Variants in ABCB1 observed in about 807,000 individuals in gnomAD.
ABCB1 encodes the protein ATP-dependent translocase ABCB1.
A neutral mutation model predicts 142.0 loss-of-function variants in ABCB1; 69 were observed. The observed-to-expected ratio is 0.49, with a 90% CI of 0.40 to 0.59. The LOEUF (loss-of-function observed/expected upper bound fraction) is 0.59. Ranked by LOEUF, ABCB1 falls within the 20% of genes least tolerant of loss-of-function variation. The probability of loss-of-function intolerance (pLI) is 0.00; values close to 1 mark genes in which losing one functional copy is unlikely to be tolerated. For synonymous variants in ABCB1, 532 were observed against 539.2 expected (o/e 0.99, Z 0.18); for missense variants, 1,326 against 1,554.7 (o/e 0.85, Z 2.47).
chr7:87,587,257 A>G (rs1818797659), intron 3 of ABCB1, among the ~76,000 whole-genome samples: 1 of 152,232 alleles, frequency 6.6e-6, no homozygotes, highest in Non-Finnish European at 1.5e-5. Context: ...GATAGTTGAT[A>G]TGAAAAAATT....
At chr7:87,505,307 C>T (rs1814685270) in intron 27 of ABCB1, among the ~76,000 whole-genome samples, 2 of 152,166 alleles carry the variant, frequency 1.3e-5, no homozygotes, top group Non-Finnish European at 2.9e-5. Flanking sequence ...GCAGTAAATA[C>T]AGTTCACTGA....
chr7:87,561,415 G>GA (rs753909193), intron 7 of ABCB1, 28 bp from the exon 8 acceptor site: 4 of 1,585,258 alleles, frequency 2.5e-6, no homozygotes, highest in African/African-American at 1.4e-5. Context: ...TTTGGATCAT[G>GA]AAAAAAACAC....
intron 8 of ABCB1, among the ~76,000 whole-genome samples, chr7:87,558,921 C>T (rs758409089): frequency 1.3e-5 from 2 of 151,994 alleles, no homozygotes; most frequent in Non-Finnish European, 2.9e-5. Flanking sequence ...ATAAAGCCAA[C>T]ATGTTCAGGA....
At chr7:87,665,821 T>C (rs1227395849) in intron 1 of ABCB1, among the ~76,000 whole-genome samples, 1 of 152,140 alleles carries the variant, frequency 6.6e-6, no homozygotes, top group Non-Finnish European at 1.5e-5. Flanking sequence ...ATTATTTCAC[T>C]TAGGAATGAT....
intron 1 of ABCB1, among the ~76,000 whole-genome samples, chr7:87,701,390 C>A (rs1266592648): frequency 2.6e-5 from 4 of 152,164 alleles, no homozygotes; most frequent in Non-Finnish European, 5.9e-5. Flanking sequence ...CCATCTTAAG[C>A]TTCATAGCTT....
chr7:87,573,993 C>T (rs1189239167), intron 4 of ABCB1, among the ~76,000 whole-genome samples: 1 of 152,088 alleles, frequency 6.6e-6, no homozygotes, highest in Non-Finnish European at 1.5e-5. Flanking sequence ...GATTAAGCTC[C>T]ACCCTTTAGA....
intron 8 of ABCB1, among the ~76,000 whole-genome samples, chr7:87,559,878 G>T (rs2129769881): frequency 6.6e-6 from 1 of 152,294 alleles, no homozygotes; most frequent in Middle Eastern, 3.4e-3. Context: ...CTGTTGGGCT[G>T]TTGGGCATAT....
At chr7:87,653,019 G>A (rs1823737945) in intron 1 of ABCB1, among the ~76,000 whole-genome samples, 1 of 151,994 alleles carries the variant, frequency 6.6e-6, no homozygotes, top group African/African-American at 2.4e-5. Flanking sequence ...TGCTGATACA[G>A]GCAAAGTGAA....
At chr7:87,544,037 T>A in intron 17 of ABCB1, 92 bp downstream of exon 17, 1 of 1,496,528 alleles carries the variant, frequency 6.7e-7, no homozygotes, top group Non-Finnish European at 9.3e-7. Flanking sequence ...GATTTTGTTG[T>A]TTTTGTATCC....
At chr7:87,687,490 A>G (rs532406039) in intron 1 of ABCB1, among the ~76,000 whole-genome samples, 4 of 152,212 alleles carry the variant, frequency 2.6e-5, no homozygotes, top group African/African-American at 9.6e-5. Flanking sequence ...TGTACTTATT[A>G]TGATTATTGT....
Position 87,541,406 on chromosome 7 carries a change from A to G in ABCB1, c.2270T>C (p.Leu757Pro), listed in dbSNP as rs975854106. 1.4e-5 allele frequency: 22 copies of G among 1,608,806 alleles called. No homozygotes were observed. The highest frequency in any genetic ancestry group is 1.9e-5 in the Non-Finnish European group (22 of 1,175,260). ...TKRQNSNLFS[L>P]LFLALGIISF... is the part of the protein sequence containing the mutation. Reference sequence around the variant, plus strand: ...AATAATTCCAAGGGCTAGAAACAATAGTGAAAACAAGTTACTATTCTGTCG... The same window carrying G: ...AATAATTCCAAGGGCTAGAAACAATGGTGAAAACAAGTTACTATTCTGTCG... Residue 757 changes from leucine to proline, a missense_variant, in exon 18 of 28, where the codon CTA becomes CCA. By Grantham distance (98) the Leu-to-Pro change is moderately conservative. Transcript: ENST00000622132.
intron 3 of ABCB1, among the ~76,000 whole-genome samples, chr7:87,591,350 G>A (rs555286734): frequency 6.6e-6 from 1 of 152,182 alleles, no homozygotes; most frequent in Non-Finnish European, 1.5e-5. Flanking sequence ...GCCACTAAGT[G>A]AGTGCTATTT....
At chr7:87,595,056 T>C (rs1213591311) in intron 3 of ABCB1, among the ~76,000 whole-genome samples, 1 of 152,068 alleles carries the variant, frequency 6.6e-6, no homozygotes, top group Non-Finnish European at 1.5e-5. Context: ...GGTCATTAAC[T>C]AGGCAGAGGT....
chr7:87,634,501 G>A (rs1229910183), intron 1 of ABCB1, among the ~76,000 whole-genome samples: 1 of 134,108 alleles, frequency 7.5e-6, no homozygotes, highest in Non-Finnish European at 1.6e-5. Context: ...GGGTGGGGGG[G>A]GGGGCACCTG....
intron 17 of ABCB1, among the ~76,000 whole-genome samples, chr7:87,543,813 A>C (rs1471739461): frequency 6.6e-6 from 1 of 152,200 alleles, no homozygotes; most frequent in Admixed American, 6.5e-5. Context: ...GGTGAAATGA[A>C]AGTTCACAAG....
chr7:87,504,164 A>G lies in ABCB1; in HGVS notation c.*79T>C. Reference sequence around the variant, plus strand: ...ACAGATACCTCTTCATAATTCTGTAAGTGTTTGCTTTTAACTTTGAATAAA... The same window carrying G: ...ACAGATACCTCTTCATAATTCTGTAGGTGTTTGCTTTTAACTTTGAATAAA... On this transcript the variant is annotated 3_prime_UTR_variant, in exon 28 of 28. Transcript: ENST00000622132. The G allele has an allele frequency of 1.3e-6, 2 of 1,546,782 alleles. No individual in the cohort carries two copies. The highest frequency in any genetic ancestry group is 1.8e-6 in the Non-Finnish European group (2 of 1,138,988).
chr7:87,545,777 A>C, intron 15 of ABCB1, 86 bp downstream of exon 15: 2 of 1,427,006 alleles, frequency 1.4e-6, no homozygotes, highest in Non-Finnish European at 1.9e-6. Flanking sequence ...AAGGTAATCA[A>C]ATCAAATAAT....
chr7:87,533,104 G>A (rs908815224), intron 20 of ABCB1, among the ~76,000 whole-genome samples: 6 of 152,090 alleles, frequency 3.9e-5, no homozygotes, highest in Non-Finnish European at 8.8e-5. Context: ...TTAAAGGGAT[G>A]ATTTGCCAAA....
At chr7:87,532,616 C>T (rs182410552) in intron 20 of ABCB1, among the ~76,000 whole-genome samples, 36 of 152,308 alleles carry the variant, frequency 2.4e-4, no homozygotes, top group African/African-American at 7.9e-4. Flanking sequence ...ACCCTCAGTT[C>T]TGAGAAGAGC....
Sources: gnomAD v4.1 joint callset for allele counts (sites outside exome capture counted in the v4.1 genomes callset) on GRCh38, gnomAD v4.1.1 for gene constraint, MANE v1.5 for transcripts, NCBI Gene and HGNC (gene_info 2026-07-23, HGNC 2026-07-21) for gene names.